Variants in CAST observed in about 807,000 individuals in gnomAD.
The protein encoded by CAST is MIR583 host.
CAST carries 76 observed loss-of-function variants against 119.6 expected under a neutral mutation model. The observed-to-expected ratio is 0.64, with a 90% confidence interval of 0.53 to 0.77. CAST has a LOEUF of 0.77. Ranked by LOEUF, CAST falls within the 30% of genes least tolerant of loss-of-function variation. The probability of loss-of-function intolerance (pLI) is 0.00; values close to 1 mark genes in which losing one functional copy is unlikely to be tolerated. For synonymous variants in CAST, 319 were observed against 331.6 expected (o/e 0.96, Z 0.41); for missense variants, 953 against 946.5 (o/e 1.01, Z -0.09).
chr5:96,246,826 G>A, the CAST span, among the ~76,000 whole-genome samples: 2 of 152,142 alleles, frequency 1.3e-5, no homozygotes, highest in Admixed American at 1.3e-4. Context: ...TACCTTAAAG[G>A]TAAATATTGA....
At chr5:96,291,815 G>A in the CAST span, among the ~76,000 whole-genome samples, 1 of 149,652 alleles carries the variant, frequency 6.7e-6, no homozygotes, top group Admixed American at 6.7e-5. Flanking sequence ...CTGCTATTAT[G>A]ATCAATAGAA....
At chr5:96,104,761 AT>A in the CAST span, among the ~76,000 whole-genome samples, 2 of 130,444 alleles carry the variant, frequency 1.5e-5, no homozygotes, top group Admixed American at 1.6e-4. Context: ...GTTTTTTCCA[AT>A]TCTGTGAAGA....
chr5:96,745,784 A>G (rs1400339839), intron 16 of CAST, among the ~76,000 whole-genome samples: 2 of 152,196 alleles, frequency 1.3e-5, no homozygotes, highest in Admixed American at 6.5e-5. Flanking sequence ...GAGGTAAAAC[A>G]AGTTATCCAT....
the CAST span, among the ~76,000 whole-genome samples, chr5:95,985,646 A>G: frequency 6.6e-6 from 1 of 152,206 alleles, no homozygotes; most frequent in Admixed American, 6.5e-5. Context: ...CACATTGGAC[A>G]CCATGTTTCT....
chr5:96,477,093 C>T, the CAST span, among the ~76,000 whole-genome samples: 1 of 150,394 alleles, frequency 6.6e-6, no homozygotes, highest in Admixed American at 6.7e-5. Context: ...CACACACACA[C>T]ACACACACAC....
intron 1 of CAST, among the ~76,000 whole-genome samples, chr5:96,625,458 G>A (rs1426421851): frequency 1.3e-5 from 2 of 152,170 alleles, no homozygotes; most frequent in African/African-American, 2.4e-5. Context: ...AAGCTAGGAG[G>A]CAGAATTCTG....
chr5:96,539,610 G>A (rs1745878060), intron 1 of CAST, among the ~76,000 whole-genome samples: 1 of 152,030 alleles, frequency 6.6e-6, no homozygotes, highest in Non-Finnish European at 1.5e-5. Context: ...GTATCACACA[G>A]AACAGTTTCA....
chr5:96,670,585 C>T (rs1257700857), intron 1 of CAST, among the ~76,000 whole-genome samples: 5 of 152,188 alleles, frequency 3.3e-5, no homozygotes, highest in Non-Finnish European at 7.3e-5. Flanking sequence ...GCAACCTCCA[C>T]CTCCTGGGTT....
the CAST span, among the ~76,000 whole-genome samples, chr5:96,063,680 T>G: frequency 1.3e-5 from 2 of 152,130 alleles, no homozygotes; most frequent in Non-Finnish European, 2.9e-5. Context: ...TGTGTAGTCT[T>G]ATTTAGTTGG....
the CAST span, among the ~76,000 whole-genome samples, chr5:96,450,405 C>T: frequency 6.6e-6 from 1 of 152,068 alleles, no homozygotes; most frequent in African/African-American, 2.4e-5. Context: ...CACAGACATA[C>T]AGAATGAAAT....
intron 1 of CAST, among the ~76,000 whole-genome samples, chr5:96,576,507 GCTA>G (rs1746673542): frequency 6.6e-6 from 1 of 151,840 alleles, no homozygotes; most frequent in Non-Finnish European, 1.5e-5. Context: ...ACCATGCCCG[GCTA>G]ATTTTTATAC....
the CAST span, among the ~76,000 whole-genome samples, chr5:96,070,265 A>G: frequency 6.6e-6 from 1 of 152,140 alleles, no homozygotes; most frequent in Non-Finnish European, 1.5e-5. Flanking sequence ...GGAACCTACC[A>G]CAAGGCTCAT....
chr5:96,159,549 C>T, the CAST span, among the ~76,000 whole-genome samples: 1 of 152,114 alleles, frequency 6.6e-6, no homozygotes, highest in South Asian at 2.1e-4. Flanking sequence ...TTTGTTCAGC[C>T]CTTCCCCATA....
the CAST span, among the ~76,000 whole-genome samples, chr5:95,987,129 C>T: frequency 6.6e-6 from 1 of 152,112 alleles, no homozygotes; most frequent in East Asian, 1.9e-4. Context: ...TTGCTGCCCC[C>T]ACAGCTCCAG....
intron 25 of CAST, 37 bp downstream of exon 25, chr5:96,762,409 T>C (rs781541630): frequency 1.4e-6 from 2 of 1,449,114 alleles, no homozygotes; most frequent in Middle Eastern, 1.8e-4. Flanking sequence ...TAAATGTTTT[T>C]GCGCAGCCAC....
the CAST span, among the ~76,000 whole-genome samples, chr5:96,109,005 C>T: frequency 1.2e-4 from 19 of 152,368 alleles, no homozygotes; most frequent in African/African-American, 4.6e-4. Flanking sequence ...CGTCTGTCAC[C>T]CCTTTCTTTG....
the CAST span, among the ~76,000 whole-genome samples, chr5:96,214,293 G>A: frequency 5.9e-5 from 9 of 152,100 alleles, no homozygotes; most frequent in Admixed American, 1.3e-4. Context: ...ATACATTTCC[G>A]GAGAGTTGTG....
upstream of CAST, among the ~76,000 whole-genome samples, chr5:96,520,565 ATGTGTG>A (rs777615254): frequency 6.6e-6 from 1 of 151,148 alleles, no homozygotes; most frequent in South Asian, 2.1e-4. Flanking sequence ...CTAGGTGTGT[ATGTGTG>A]TGTGTCTGTG....
intron 1 of CAST, among the ~76,000 whole-genome samples, chr5:96,641,665 A>AGTAGGAT (rs1330123373): frequency 1.3e-5 from 2 of 152,082 alleles, no homozygotes; most frequent in Non-Finnish European, 2.9e-5. Flanking sequence ...AGATCCTGAA[A>AGTAGGAT]CATGCCTGGC....
Sources: gnomAD v4.1 joint callset for allele counts (sites outside exome capture counted in the v4.1 genomes callset) on GRCh38, gnomAD v4.1.1 for gene constraint, MANE v1.5 for transcripts, NCBI Gene and HGNC (gene_info 2026-07-23, HGNC 2026-07-21) for gene names.